The following AXL variants were observed in gnomAD, a reference collection of about 807,000 sequenced individuals.
AXL encodes the protein tyrosine-protein kinase receptor UFO.
Under a neutral mutation model 104.5 loss-of-function variants are expected in AXL, and 52 were observed. That is an observed-to-expected ratio of 0.50 (90% confidence interval 0.40 to 0.63). The LOEUF (loss-of-function observed/expected upper bound fraction) is 0.63, where lower values mean the gene tolerates loss of function less well. Ranked by LOEUF, AXL falls within the 20% of genes least tolerant of loss-of-function variation. The pLI is 0.00. For synonymous variants in AXL, 455 were observed against 473.7 expected (o/e 0.96, Z 0.51); for missense variants, 1,024 against 1,188.5 (o/e 0.86, Z 2.04).
rs766009768 is a variant in AXL at position 41,239,328 on chromosome 19, C to T, written c.1285+14C>T. On this transcript the variant is annotated intron_variant, in intron 9 of 19. Transcript: ENST00000301178. The stretch of plus-strand genomic sequence containing the variant: ...CCTGGCGCCCAGGTAAGTCCAAAGC[C>T]ATGCCCAACCTGCTTCAACCCTGTC... The T allele has an allele frequency of 1.3e-6, 2 of 1,552,704 alleles. No homozygotes were observed. Among genetic ancestry groups the T allele is most frequent in the Non-Finnish European group, 1.7e-6 (2 of 1,152,660 alleles).
intron 4 of AXL, among the ~76,000 whole-genome samples, chr19:41,227,347 A>T (rs2033899379): frequency 6.6e-6 from 1 of 152,118 alleles, no homozygotes; most frequent in Non-Finnish European, 1.5e-5. Context: ...CTTACTATAG[A>T]TCTTAGCAAC....
intron 4 of AXL, 90 bp from the exon 5 acceptor site, chr19:41,230,877 G>A: frequency 7.3e-7 from 1 of 1,377,352 alleles, no homozygotes; most frequent in Non-Finnish European, 1.0e-6. Flanking sequence ...CCCCTGGTCA[G>A]GCAGGCCATG....
intron 4 of AXL, among the ~76,000 whole-genome samples, chr19:41,226,131 C>A (rs1453661082): frequency 6.6e-6 from 1 of 152,226 alleles, no homozygotes; most frequent in Non-Finnish European, 1.5e-5. Context: ...AGGGGGATCC[C>A]GGCTCTGGCT....
In AXL at chr19:41,259,580, G is replaced by A. The variant is rs1686532963; in HGVS notation, c.2361G>A (p.Glu787=). 1.9e-6 allele frequency: 3 copies of A among 1,611,144 alleles called. No individual in the cohort carries two copies. The highest frequency in any genetic ancestry group is 2.5e-6 in the Non-Finnish European group (3 of 1,178,276). Reference sequence around the variant, plus strand: ...ATGCCTTGATGTCGCGGTGCTGGGAGCTAAATCCCCAGGACCGGCCAAGTT... The same window carrying A: ...ATGCCTTGATGTCGCGGTGCTGGGAACTAAATCCCCAGGACCGGCCAAGTT... ...GLYALMSRCW[E]LNPQDRPSFT... The change falls in exon 20 of 20, where the codon GAG becomes GAA. Residue 787 remains glutamate, a synonymous_variant. Transcript: ENST00000301178.
At chr19:41,228,371 G>A (rs1465074915) in intron 4 of AXL, among the ~76,000 whole-genome samples, 1 of 151,994 alleles carries the variant, frequency 6.6e-6, no homozygotes, top group Non-Finnish European at 1.5e-5. Flanking sequence ...TGGCCAACAT[G>A]GTGAAACCCT....
intron 4 of AXL, among the ~76,000 whole-genome samples, chr19:41,229,583 G>A (rs990697397): frequency 2.6e-5 from 4 of 152,144 alleles, no homozygotes; most frequent in Admixed American, 2.6e-4. Flanking sequence ...ATATTAACAG[G>A]GTGGCCAGGC....
chr19:41,221,023 T>C, intron 2 of AXL, 123 bp from the exon 3 acceptor site: 3 of 1,149,696 alleles, frequency 2.6e-6, no homozygotes, highest in Non-Finnish European at 3.7e-6. Context: ...GAGTTAATAA[T>C]AGGACATACT....
intron 17 of AXL, among the ~76,000 whole-genome samples, chr19:41,255,512 C>G (rs1174555433): frequency 6.6e-6 from 1 of 151,734 alleles, no homozygotes; most frequent in African/African-American, 2.4e-5. Context: ...ATGATCATAG[C>G]TCACTGTAGC....
rs768766039 is a variant in AXL at position 41,252,948 on chromosome 19, G to A, written c.1907G>A (p.Arg636Gln). ...GDLHSFLLYS[R>Q]LGDQPVYLPT... ...CTACACAGCTTCCTCCTCTATTCCC[G>A]GCTCGGGGACCAGCCAGTGGTAAGG... Residue 636 changes from arginine (R) to glutamine (Q), a missense_variant, in exon 16 of 20, where the codon CGG becomes CAG. Coordinates refer to ENST00000301178, the MANE Select transcript of AXL (RefSeq NM_021913.5). 6.2e-6 allele frequency: 10 copies of A among 1,613,908 alleles called. No homozygotes were observed. The highest frequency in any genetic ancestry group is 1.3e-5 in the African/African-American group (1 of 74,870).
Position 41,243,664 on chromosome 19 carries a change from C to A in AXL, c.1494C>A (p.Tyr498Ter). 6.2e-7 allele frequency: 1 copy of A among 1,614,078 alleles called. No individual in the cohort carries two copies. The highest frequency in any genetic ancestry group is 8.5e-7 in the Non-Finnish European group (1 of 1,180,004). ...AAAGAGGTGAACTGGTAGTCAGGTA[C>A]CGCGTGCGCAAGTCCTACAGTCGTC... ...TVERGELVVRYRVRKSYSRRT... is the reference protein window; with the variant it reads ...TVERGELVVR Residue 498 changes from tyrosine (Y) to a stop codon, truncating the protein, a stop_gained, in exon 12 of 20, where the codon TAC (tyrosine) becomes TAA (stop). Coordinates refer to ENST00000301178, the MANE Select transcript of AXL (RefSeq NM_021913.5). LOFTEE classifies it high-confidence loss of function.
Position 41,260,075 on chromosome 19 carries a change from C to A in AXL, c.*171C>A. 2 of 589,036 alleles carry A rather than the reference C, an allele frequency of 3.4e-6. No homozygotes were observed. The highest frequency in any genetic ancestry group is 5.8e-6 in the Non-Finnish European group (2 of 342,850). 36.5% of individuals were successfully genotyped at this position (589,036 alleles called of 1,614,324 possible). On this transcript the variant is annotated 3_prime_UTR_variant, in exon 20 of 20. Coordinates refer to ENST00000301178, the MANE Select transcript of AXL (RefSeq NM_021913.5). Reference sequence around the variant, plus strand: ...GTCCCTCCCCTTCTCTGTGCAGTAGCATCACCTTGAAAGCAGTAGCATCAC... The same window carrying A: ...GTCCCTCCCCTTCTCTGTGCAGTAGAATCACCTTGAAAGCAGTAGCATCAC...
At position 41,239,159 on chromosome 19, in the gene AXL, C is replaced by G. The variant is rs764945276; in HGVS notation, c.1135-5C>G. On this transcript the variant is annotated splice_region_variant and splice_polypyrimidine_tract_variant and intron_variant, in intron 8 of 19. Transcript: ENST00000301178. ...CTACCCTGATGCCACTTCTGGACCTCCTAGGTGCTAATGGACATAGGGCTA... is the reference window on the plus strand; with the variant it reads ...CTACCCTGATGCCACTTCTGGACCTGCTAGGTGCTAATGGACATAGGGCTA... The G allele has an allele frequency of 6.2e-7, 1 of 1,613,160 alleles. No homozygotes were observed. Among genetic ancestry groups the G allele is most frequent in the Non-Finnish European group, 8.5e-7 (1 of 1,179,448 alleles).
rs2034532620 is a variant in AXL, at chr19:41,261,013, T to A, written c.*1109T>A. On this transcript the variant is annotated 3_prime_UTR_variant, in exon 20 of 20. Coordinates refer to ENST00000301178, the MANE Select transcript of AXL (RefSeq NM_021913.5). ...AGATTCTCTTGTATAAGATCCTAGA[T>A]CCTAAGGGTCGAAAGCTCTAGAATC... is the stretch of plus-strand genomic sequence containing the variant. The A allele has an allele frequency of 6.6e-6, 1 of 152,168 alleles. No individual in the cohort carries two copies. The highest frequency in any genetic ancestry group is 2.4e-5 in the African/African-American group (1 of 41,442). The allele number at this position is 152,168 out of a possible 1,614,324, so 9.4% of individuals were successfully genotyped here.
At chr19:41,248,388 G>A in intron 12 of AXL, 126 bp from the exon 13 acceptor site, 3 of 936,824 alleles carry the variant, frequency 3.2e-6, no homozygotes, top group Non-Finnish European at 5.1e-6. Context: ...CAGGGCAGTT[G>A]CTAATTTTAA....
chr19:41,252,840 G>A lies in AXL; in HGVS notation c.1805-6G>A, dbSNP rs1406334023. On this transcript the variant is annotated splice_polypyrimidine_tract_variant and splice_region_variant and intron_variant, in intron 15 of 19. Coordinates refer to ENST00000301178, the MANE Select transcript of AXL (RefSeq NM_021913.5). ...CAGGAGTGACAGGGCTACCTGGGGG[G>A]CTCAGGTGTCTGTTTCCAGGGTTCT... 1 of 1,613,764 alleles carries A rather than the reference G, an allele frequency of 6.2e-7. No individual in the cohort carries two copies. The highest frequency in any genetic ancestry group is 2.2e-5 in the East Asian group (1 of 44,868).
intron 1 of AXL, 120 bp downstream of exon 1, chr19:41,219,597 C>A: frequency 8.4e-7 from 1 of 1,183,600 alleles, no homozygotes; most frequent in Non-Finnish European, 1.2e-6. Context: ...TTCCTTGGGA[C>A]CACAGAAAAG....
chr19:41,247,906 T>C (rs1370357805), intron 12 of AXL, among the ~76,000 whole-genome samples: 1 of 98,724 alleles, frequency 1.0e-5, no homozygotes, highest in Non-Finnish European at 2.2e-5. Context: ...TTTTATTTTA[T>C]TTTATTTTAT....
chr19:41,223,566 C>T (rs747961127), intron 4 of AXL, among the ~76,000 whole-genome samples: 25 of 152,164 alleles, frequency 1.6e-4, no homozygotes, highest in Non-Finnish European at 1.5e-5. Flanking sequence ...TCCCAACCTG[C>T]TGCCTCTCTC....
chr19:41,223,775 T>A, intron 4 of AXL, among the ~76,000 whole-genome samples: 1 of 151,648 alleles, frequency 6.6e-6, no homozygotes, highest in Non-Finnish European at 1.5e-5. Flanking sequence ...GCCTGGCAGG[T>A]CCCATGAGAA....
Sources: allele counts gnomAD v4.1 joint callset (sites outside exome capture counted in the v4.1 genomes callset), GRCh38; gene constraint gnomAD v4.1.1; transcripts MANE v1.5; gene names NCBI Gene and HGNC (gene_info 2026-07-23, HGNC 2026-07-21).